CDH22: variants seen among roughly 807,000 people sequenced by gnomAD.
CDH22 encodes the protein cadherin 22, also known as cadherin-22.
A neutral mutation model predicts 58.4 loss-of-function variants in CDH22; 30 were observed. That is an observed-to-expected ratio of 0.51 (90% CI 0.38 to 0.70). CDH22 has a LOEUF of 0.70. Ranked by LOEUF, CDH22 falls within the 30% of genes least tolerant of loss-of-function variation. The pLI is 0.00. For synonymous variants in CDH22, 513 were observed against 558.2 expected (o/e 0.92, Z 1.14); for missense variants, 1,014 against 1,233.9 (o/e 0.82, Z 2.67).
chr20:46,273,143 T>C (rs1348126262), intron 1 of CDH22, among the ~76,000 whole-genome samples: 1 of 152,188 alleles, frequency 6.6e-6, no homozygotes, highest in Non-Finnish European at 1.5e-5. Context: ...TTCCACCTTG[T>C]TCAGGCCATG....
rs534749968 is a variant in CDH22, at chr20:46,200,264, C to T, written c.1287-705G>A. Among the ~76,000 whole-genome samples, 19 of 151,816 alleles carry T rather than the reference C, an allele frequency of 1.3e-4. No homozygotes were observed. In the South Asian group the frequency reaches 1.9e-3, roughly 15 times the overall value. The stretch of plus-strand genomic sequence containing the variant: ...GCCTGGGATTACAGGCGTGAGCGAC[C>T]GCGCCCGGCCCTCTTTTCTTTCTTT... On this transcript the variant is annotated intron_variant, in intron 7 of 11. Coordinates refer to ENST00000537909, the MANE Select transcript of CDH22 (RefSeq NM_021248.3).
chr20:46,274,107 T>A (rs1268038648), intron 1 of CDH22, among the ~76,000 whole-genome samples: 1 of 152,242 alleles, frequency 6.6e-6, no homozygotes, highest in Non-Finnish European at 1.5e-5. Flanking sequence ...GCAAAGAAAA[T>A]TTTGTCATCT....
chr20:46,254,942 AGG>A (rs2086399299), intron 1 of CDH22, among the ~76,000 whole-genome samples: 2 of 152,152 alleles, frequency 1.3e-5, no homozygotes, highest in Non-Finnish European at 2.9e-5. Context: ...GGTGTTGGGG[AGG>A]AGAAGGCACG....
chr20:46,209,398 AG>A, intron 7 of CDH22, among the ~76,000 whole-genome samples: 1 of 152,140 alleles, frequency 6.6e-6, no homozygotes, highest in Non-Finnish European at 1.5e-5. Flanking sequence ...TGAGAGGTTC[AG>A]GGAGGCCAGA....
Position 46,175,090 on chromosome 20 carries a change from C to T in CDH22, c.1916-13G>A. ...AGCAGCACCAGCACTGCGAGGGGGA[C>T]AGAGGGGGCAACTGAGGGCCAAGCC... On this transcript the variant is annotated splice_polypyrimidine_tract_variant and intron_variant, in intron 11 of 11. Coordinates refer to ENST00000537909, the MANE Select transcript of CDH22 (RefSeq NM_021248.3). The T allele has an allele frequency of 1.3e-6, 2 of 1,573,372 alleles. No homozygotes were observed.
intron 5 of CDH22, among the ~76,000 whole-genome samples, chr20:46,214,254 C>A (rs879587618): frequency 1.6e-4 from 24 of 152,140 alleles, no homozygotes; most frequent in Admixed American, 6.5e-4. Flanking sequence ...GAGGCTGCAG[C>A]TTGCTCTCCA....
In CDH22 at chr20:46,210,893, GT is replaced by G. The variant is rs2086038705; in HGVS notation, c.1033-334del. ...AACACAAAGCACCTACTGTGTGCCA[GT>G]GCTTTAAGTATATTAACTCAACTTG... On this transcript the variant is annotated intron_variant, in intron 6 of 11. Coordinates refer to ENST00000537909, the MANE Select transcript of CDH22 (RefSeq NM_021248.3). The surrounding 1 kb of genome is among the most constrained non-coding windows in gnomAD (Gnocchi z 4.5). Among the ~76,000 whole-genome samples the G allele has an allele frequency of 6.6e-6, 1 of 152,220 alleles. No individual in the cohort carries two copies. Among genetic ancestry groups the G allele is most frequent in the Admixed American group, 6.5e-5 (1 of 15,290 alleles).
chr20:46,307,074 G>C (rs1205777931), intron 1 of CDH22, among the ~76,000 whole-genome samples: 1 of 152,236 alleles, frequency 6.6e-6, no homozygotes, highest in Non-Finnish European at 1.5e-5. Flanking sequence ...GCCAGCCCCA[G>C]AAACCTGGGG....
chr20:46,224,248 T>C (rs1423002263), intron 4 of CDH22, among the ~76,000 whole-genome samples: 1 of 152,246 alleles, frequency 6.6e-6, no homozygotes, highest in Admixed American at 6.5e-5. Context: ...GCTCATCTTC[T>C]ATATTCTCTA....
At position 46,300,483 on chromosome 20, in the gene CDH22, C is replaced by A. The variant is rs937862662; in HGVS notation, c.-400+7772G>T. Among the ~76,000 whole-genome samples the A allele has an allele frequency of 6.6e-6, 1 of 152,216 alleles. No individual in the cohort carries two copies. The highest frequency in any genetic ancestry group is 1.5e-5 in the Non-Finnish European group (1 of 68,032). ...CCTGTCACTCTGCCCATCACACACACAAGCGCGCGTGTGCGTGCGCGTGCA... is the reference window on the plus strand; with the variant it reads ...CCTGTCACTCTGCCCATCACACACAAAAGCGCGCGTGTGCGTGCGCGTGCA... On this transcript the variant is annotated intron_variant, in intron 1 of 11. Transcript: ENST00000537909. This position sits in a 1 kb window ranked among gnomAD's most constrained non-coding sequence, Gnocchi z 4.4.
At chr20:46,233,616 A>G (rs534920350) in intron 3 of CDH22, among the ~76,000 whole-genome samples, 6 of 152,344 alleles carry the variant, frequency 3.9e-5, no homozygotes, top group Admixed American at 2.6e-4. Context: ...CCCTAATGCC[A>G]TGTGGCCACA....
intron 8 of CDH22, among the ~76,000 whole-genome samples, chr20:46,198,420 T>C (rs1403381968): frequency 2.6e-5 from 4 of 151,732 alleles, no homozygotes; most frequent in African/African-American, 9.7e-5. Flanking sequence ...ATGAGCAGAT[T>C]CCACTGGCTC....
chr20:46,224,226 A>G (rs533966017), intron 4 of CDH22, among the ~76,000 whole-genome samples: 1 of 152,308 alleles, frequency 6.6e-6, no homozygotes, highest in South Asian at 2.1e-4. Context: ...ACGTTATGTT[A>G]TATGTGTACA....
chr20:46,266,626 G>A (rs1231833744), intron 1 of CDH22, among the ~76,000 whole-genome samples: 1 of 152,240 alleles, frequency 6.6e-6, no homozygotes, highest in African/African-American at 2.4e-5. Context: ...TGACATTAAA[G>A]AATCTGTCCC....
intron 3 of CDH22, among the ~76,000 whole-genome samples, chr20:46,239,264 G>A (rs947737693): frequency 2.0e-5 from 3 of 152,240 alleles, no homozygotes; most frequent in Non-Finnish European, 4.4e-5. Flanking sequence ...TACTCATATA[G>A]ACACAGCATG....
chr20:46,174,889 C>A lies in CDH22; in HGVS notation c.2104G>T (p.Gly702Trp), dbSNP rs767171662. 7.1e-7 allele frequency: 1 copy of A among 1,414,556 alleles called. No individual in the cohort carries two copies. The highest frequency in any genetic ancestry group is 1.7e-5 in the South Asian group (1 of 59,146). 87.6% of individuals were successfully genotyped at this position (1,414,556 alleles called of 1,614,324 possible). A position where few individuals can be genotyped will look rare whatever the true frequency, so the allele number is the denominator to read the frequency against. Residue 702 changes from glycine (G) to tryptophan (W), a missense_variant, in exon 12 of 12, where the codon GGG becomes TGG. Gly to Trp is a radical substitution (Grantham distance 184, BLOSUM62 -2). Transcript: ENST00000537909. This position sits in a 1 kb window ranked among gnomAD's most constrained non-coding sequence, Gnocchi z 4.4. ...GCTCCCCCGCCCGCGCTGCCGCCCC[C>A]GTCGCCGCCCTTGAGCTCGCCGAAG... is the stretch of plus-strand genomic sequence containing the variant. ...YDFGELKGGD[G>W]GGSAGGGAGG...
intron 1 of CDH22, among the ~76,000 whole-genome samples, chr20:46,282,051 A>G (rs1010790641): frequency 8.5e-5 from 13 of 152,236 alleles, no homozygotes; most frequent in African/African-American, 2.9e-4. Flanking sequence ...GCTTTCTCCT[A>G]TCACTAGACT....
At chr20:46,284,305 C>G (rs2086566271) in intron 1 of CDH22, among the ~76,000 whole-genome samples, 1 of 152,208 alleles carries the variant, frequency 6.6e-6, no homozygotes, top group Non-Finnish European at 1.5e-5. Context: ...TGCACCCAGA[C>G]CATCGTTCTC....
chr20:46,216,816 CCTCA>C lies in CDH22; in HGVS notation c.838+6_838+9del. ...ACAGACGCGCCTTCCTCTGGGAAGG[CCTCA>C]CTCACTCTGCGGGAAACGGGGCGGG... On this transcript the variant is annotated splice_donor_region_variant and intron_variant, in intron 5 of 11. Coordinates refer to ENST00000537909, the MANE Select transcript of CDH22 (RefSeq NM_021248.3). The surrounding 1 kb of genome is among the most constrained non-coding windows in gnomAD (Gnocchi z 5.3). 3.1e-6 allele frequency: 5 copies of C among 1,588,868 alleles called. No individual in the cohort carries two copies. Among genetic ancestry groups the C allele is most frequent in the Non-Finnish European group, 3.5e-6 (4 of 1,159,302 alleles).
Sources: gnomAD v4.1 joint callset for allele counts (sites outside exome capture counted in the v4.1 genomes callset) on GRCh38, gnomAD v4.1.1 for gene constraint, Gnocchi (gnomAD v3.1) non-coding constraint, MANE v1.5 for transcripts, NCBI Gene and HGNC (gene_info 2026-07-23, HGNC 2026-07-21) for gene names.